RSL1D1: variants seen among roughly 807,000 people sequenced by gnomAD.
RSL1D1 encodes ribosomal L1 domain-containing protein 1.
RSL1D1 carries 34 observed loss-of-function variants against 44.6 expected under a neutral mutation model. The observed-to-expected ratio is 0.76, with a 90% CI of 0.58 to 1.02. RSL1D1 has a LOEUF of 1.02. Among genes scored for constraint, RSL1D1 ranks in the 50% least tolerant of loss-of-function variants. RSL1D1 has a pLI of 0.00. For synonymous variants in RSL1D1, 271 were observed against 207.4 expected, an observed-to-expected ratio of 1.31 and a Z score of -2.63; for missense variants, 767 against 568.1, an observed-to-expected ratio of 1.35 and a Z score of -3.56.
At chr16:11,849,098 T>G (rs2053818218) in intron 2 of RSL1D1, among the ~76,000 whole-genome samples, 1 of 151,942 alleles carries the variant, frequency 6.6e-6, no homozygotes, top group African/African-American at 2.4e-5. Flanking sequence ...TTTTAAGAAT[T>G]GAAACAGCCC....
chr16:11,842,187 C>T (rs1036399086), intron 5 of RSL1D1, among the ~76,000 whole-genome samples, 187 bp from the exon 6 acceptor site: 1 of 152,014 alleles, frequency 6.6e-6, no homozygotes, highest in African/African-American at 2.4e-5. Flanking sequence ...ATTAACTGGG[C>T]ATGGTGGTAC....
Position 11,839,812 on chromosome 16 carries a change from A to G in RSL1D1, c.1029T>C (p.His343=). 1 of 1,613,958 alleles carries G rather than the reference A, an allele frequency of 6.2e-7. No homozygotes were observed. Among genetic ancestry groups the G allele is most frequent in the Non-Finnish European group, 8.5e-7 (1 of 1,180,012 alleles). The change falls in exon 8 of 9, where the codon CAT becomes CAC. Residue 343 remains histidine (H), a synonymous_variant. Transcript: ENST00000571133. ...TTCCTCTGCCACGTTTTTTCTTCCCATGCTCTGGGGTCTGTTCCTTCTTTG... is the reference window on the plus strand; with the variant it reads ...TTCCTCTGCCACGTTTTTTCTTCCCGTGCTCTGGGGTCTGTTCCTTCTTTG... ...PESKKEQTPE[H]GKKKRGRGKA...
In RSL1D1 at chr16:11,837,747, G is replaced by A; in HGVS notation, c.*40C>T. The stretch of plus-strand genomic sequence containing the variant: ...ATCTGAGTATTTCCAAAAAGCTCTG[G>A]AGGCAGCATTGAGGTTTCCTTCCAG... On this transcript the variant is annotated 3_prime_UTR_variant, in exon 9 of 9. Transcript: ENST00000571133. 6.6e-7 allele frequency: 1 copy of A among 1,518,686 alleles called. No individual in the cohort carries two copies. The highest frequency in any genetic ancestry group is 9.0e-7 in the Non-Finnish European group (1 of 1,115,582). 94.1% of individuals were successfully genotyped at this position (1,518,686 alleles called of 1,614,324 possible). A position where few individuals can be genotyped will look rare whatever the true frequency, so the allele number is the denominator to read the frequency against.
chr16:11,839,610 C>A, intron 8 of RSL1D1, 85 bp downstream of exon 8: 2 of 1,479,852 alleles, frequency 1.4e-6, no homozygotes, highest in Non-Finnish European at 9.0e-7. Context: ...TAGTATTTTT[C>A]ATCATTTATT....
intron 3 of RSL1D1, among the ~76,000 whole-genome samples, chr16:11,847,270 T>G (rs1283890680): frequency 6.6e-6 from 1 of 152,018 alleles, no homozygotes; most frequent in East Asian, 1.9e-4. Flanking sequence ...AGCTATTCGG[T>G]AGGCTGAGGT....
At chr16:11,839,525 C>CT (rs1352902367) in intron 8 of RSL1D1, among the ~76,000 whole-genome samples, 170 bp downstream of exon 8, 3 of 74,348 alleles carry the variant, frequency 4.0e-5, no homozygotes, top group Non-Finnish European at 8.4e-5. Context: ...AAGATCCCAT[C>CT]TAAAAAAAAA....
At chr16:11,850,545 T>C (rs1223139057) in intron 1 of RSL1D1, 127 bp from the exon 2 acceptor site, 16 of 911,286 alleles carry the variant, frequency 1.8e-5, no homozygotes. Context: ...CCTTCCAACT[T>C]CTATTTCAAG....
In RSL1D1 at chr16:11,838,168, T is replaced by C. The variant is rs927016726; in HGVS notation, c.1147-55A>G. 2.6e-5 allele frequency: 35 copies of C among 1,324,922 alleles called. No individual in the cohort carries two copies. In the East Asian group the frequency reaches 7.0e-4, roughly 26 times the overall value. 82.1% of individuals were successfully genotyped at this position (1,324,922 alleles called of 1,614,324 possible). On this transcript the variant is annotated intron_variant, in intron 8 of 8. Transcript: ENST00000571133. ...GAAAAAGCCACAAAACCTGACACTC[T>C]AACTCCAGGAGTTACTGTTTTTATT...
intron 8 of RSL1D1, 117 bp downstream of exon 8, chr16:11,839,578 T>G: frequency 7.9e-7 from 1 of 1,271,070 alleles, no homozygotes; most frequent in Non-Finnish European, 1.1e-6. Context: ...ATAACCACCT[T>G]CACAGTTCTT....
At chr16:11,845,548 G>C (rs1649199614) in intron 5 of RSL1D1, among the ~76,000 whole-genome samples, 1 of 152,140 alleles carries the variant, frequency 6.6e-6, no homozygotes, top group Admixed American at 6.6e-5. Context: ...TCAGCCACTA[G>C]CCACATGTGC....
intron 8 of RSL1D1, among the ~76,000 whole-genome samples, chr16:11,839,152 G>C (rs1429459657): frequency 6.6e-6 from 1 of 151,344 alleles, no homozygotes; most frequent in Non-Finnish European, 1.5e-5. Context: ...GATCACCTGA[G>C]GCCAGGAGTT....
intron 5 of RSL1D1, 131 bp downstream of exon 5, chr16:11,846,370 G>A (rs1596441948): frequency 1.8e-6 from 1 of 558,040 alleles, no homozygotes; most frequent in Non-Finnish European, 3.1e-6. Flanking sequence ...ACTCCAGCCT[G>A]GCAGACAGAG....
chr16:11,845,475 C>T (rs1434766602), intron 5 of RSL1D1, among the ~76,000 whole-genome samples: 1 of 152,198 alleles, frequency 6.6e-6, no homozygotes, highest in East Asian at 1.9e-4. Context: ...GTTCTCCAAG[C>T]ATTCATCTTA....
intron 1 of RSL1D1, chr16:11,851,057 A>G (rs1272731471): frequency 2.7e-6 from 1 of 371,564 alleles, no homozygotes; most frequent in Non-Finnish European, 5.2e-6. Context: ...CCGATCCTGG[A>G]TAACGGGGAG....
intron 2 of RSL1D1, among the ~76,000 whole-genome samples, chr16:11,848,055 C>T (rs11075024): frequency 1.1e-3 from 160 of 152,214 alleles, no homozygotes; most frequent in African/African-American, 3.7e-3. Context: ...AGTTCAAGAC[C>T]AGCCTGGCCA....
intron 8 of RSL1D1, 67 bp downstream of exon 8, chr16:11,839,628 A>G (rs888079020): frequency 1.3e-5 from 20 of 1,581,524 alleles, no homozygotes; most frequent in Non-Finnish European, 1.6e-5. Flanking sequence ...ATTGCTCAGC[A>G]CAGTACCTGC....
At position 11,847,789 on chromosome 16, in the gene RSL1D1, A is replaced by G; in HGVS notation, c.263T>C (p.Ile88Thr). The G allele has an allele frequency of 6.2e-7, 1 of 1,613,526 alleles. No individual in the cohort carries two copies. The highest frequency in any genetic ancestry group is 8.5e-7 in the Non-Finnish European group (1 of 1,179,770). Reference protein sequence around the residue: ...LRVRLTLPHSIRSDSEDICLF... With the variant: ...LRVRLTLPHSTRSDSEDICLF... ...ACAGATATCTTCTGAATCTGATCGA[A>G]TACTATGAGGCAAGGTCCTACAAAA... The change falls in exon 3 of 9, where the codon ATT becomes ACT. Residue 88 changes from isoleucine (I) to threonine (T), a missense_variant. Ile to Thr is a moderately conservative substitution (Grantham distance 89). Coordinates refer to ENST00000571133, the MANE Select transcript of RSL1D1 (RefSeq NM_015659.3).
chr16:11,850,189 A>G (rs1470329891), intron 2 of RSL1D1, 90 bp downstream of exon 2: 2 of 1,281,976 alleles, frequency 1.6e-6, no homozygotes, highest in Non-Finnish European at 2.1e-6. Context: ...AAGTTTGCAA[A>G]GTTTCCATTA....
At position 11,846,775 on chromosome 16, in the gene RSL1D1, A is replaced by C; in HGVS notation, c.453T>G (p.Ser151Arg). 1 of 1,613,578 alleles carries C rather than the reference A, an allele frequency of 6.2e-7. No homozygotes were observed. The highest frequency in any genetic ancestry group is 8.5e-7 in the Non-Finnish European group (1 of 1,179,610). Residue 151 changes from serine (S) to arginine (R), a missense_variant, in exon 4 of 9, where the codon AGT becomes AGG. Ser to Arg is a moderately radical substitution (Grantham distance 110, BLOSUM62 -1). Transcript: ENST00000571133. ...SYEAKLRLLSSFDFFLTDARI... is the reference protein window; with the variant it reads ...SYEAKLRLLSRFDFFLTDARI... ...TGGCATCAGTAAGGAAGAAATCAAA[A>C]CTGCTCAGAAGGCGGAGCTTGGCTT...
Sources: allele counts gnomAD v4.1 joint callset (sites outside exome capture counted in the v4.1 genomes callset), GRCh38; gene constraint gnomAD v4.1.1; transcripts MANE v1.5; gene names NCBI Gene and HGNC (gene_info 2026-07-23, HGNC 2026-07-21).